Variants in ANK3 observed in about 807,000 individuals in gnomAD.
ANK3 encodes the protein ankyrin-3.
Under a neutral mutation model 370.9 loss-of-function variants are expected in ANK3, and 57 were observed. The observed-to-expected ratio is 0.15, with a 90% CI of 0.12 to 0.19. The LOEUF (loss-of-function observed/expected upper bound fraction) is 0.19. ANK3 is among the 10% of genes least tolerant of loss of function. The pLI, the probability that ANK3 is intolerant of heterozygous loss-of-function variation, is 1.00. For synonymous variants in ANK3, 1,929 were observed against 1,946.3 expected (o/e 0.99, Z 0.23); for missense variants, 4,439 against 5,302.1 (o/e 0.84, Z 5.06).
intron 2 of ANK3, among the ~76,000 whole-genome samples, chr10:60,434,291 T>C (rs2064103069): frequency 6.6e-6 from 1 of 152,200 alleles, no homozygotes; most frequent in African/African-American, 2.4e-5. Flanking sequence ...TTCATATTAA[T>C]GGCCCTATAG....
At position 60,674,846 on chromosome 10, in the gene ANK3, C is replaced by T. The variant is rs113828424; in HGVS notation, c.57+58417G>A. On this transcript the variant is annotated intron_variant, in intron 1 of 43. Coordinates refer to the ANK3 transcript ENST00000373827. Reference sequence around the variant, plus strand: ...TCTGGATGACCGTCTCATAACTGATCATTGTGCCTATTTTATCTTTACAGT... The same window carrying T: ...TCTGGATGACCGTCTCATAACTGATTATTGTGCCTATTTTATCTTTACAGT... 9.5e-4 allele frequency among the ~76,000 whole-genome samples: 145 copies of T among 152,182 alleles called. 1 individual carries two copies. The highest frequency in any genetic ancestry group is 6.8e-3 in the Middle Eastern group (2 of 294).
At chr10:60,364,277 G>A (rs1348062512) in intron 1 of ANK3, among the ~76,000 whole-genome samples, 1 of 140,068 alleles carries the variant, frequency 7.1e-6, no homozygotes, top group Non-Finnish European at 1.5e-5. Context: ...CTGGGTGACA[G>A]AGCAAGACTC....
chr10:60,281,714 G>GTATTCC (rs2098166284), intron 1 of ANK3, among the ~76,000 whole-genome samples: 1 of 152,058 alleles, frequency 6.6e-6, no homozygotes, highest in Non-Finnish European at 1.5e-5. Context: ...AATAATATAG[G>GTATTCC]AGGCTTTATT....
At chr10:60,389,359 G>T in intron 1 of ANK3, 66 bp downstream of exon 1, 4 of 1,459,044 alleles carry the variant, frequency 2.7e-6, no homozygotes, top group Non-Finnish European at 3.8e-6. Context: ...GCTTCTAACA[G>T]ATGCCAGAGG....
chr10:60,520,825 A>G (rs1257541434), intron 2 of ANK3, among the ~76,000 whole-genome samples: 1 of 152,136 alleles, frequency 6.6e-6, no homozygotes, highest in Admixed American at 6.6e-5. Context: ...AAAATCAAAA[A>G]CAATTTTTAC....
At chr10:60,542,867 T>C (rs1167716885) in intron 2 of ANK3, among the ~76,000 whole-genome samples, 5 of 151,990 alleles carry the variant, frequency 3.3e-5, no homozygotes, top group African/African-American at 9.7e-5. Context: ...ATTTTAATGA[T>C]GTTTAAAGCT....
chr10:60,723,840 G>A (rs1027906303), intron 1 of ANK3, among the ~76,000 whole-genome samples: 4 of 152,030 alleles, frequency 2.6e-5, no homozygotes, highest in Non-Finnish European at 4.4e-5. Flanking sequence ...CTGATGATGT[G>A]ATGACTAAAG....
intron 2 of ANK3, among the ~76,000 whole-genome samples, chr10:60,584,035 T>G (rs906335380): frequency 2.0e-5 from 3 of 152,174 alleles, no homozygotes; most frequent in Non-Finnish European, 2.9e-5. Context: ...TGTCAGTCAT[T>G]TTTAAAAAGA....
chr10:60,386,284 A>G (rs1174551428), intron 1 of ANK3, among the ~76,000 whole-genome samples: 1 of 152,074 alleles, frequency 6.6e-6, no homozygotes, highest in African/African-American at 2.4e-5. Context: ...AGGGAAGGGC[A>G]GTGGGAAAGT....
intron 16 of ANK3, among the ~76,000 whole-genome samples, chr10:60,193,502 A>C (rs955391986): frequency 1.3e-4 from 11 of 87,398 alleles, no homozygotes; most frequent in African/African-American, 6.2e-4. Context: ...CTAAAAATAC[A>C]AAAATTAGCT....
At chr10:60,293,898 T>C (rs920305091) in intron 1 of ANK3, among the ~76,000 whole-genome samples, 1 of 152,246 alleles carries the variant, frequency 6.6e-6, no homozygotes, top group Non-Finnish European at 1.5e-5. Flanking sequence ...TCTGGCATTA[T>C]ACGTGGTAGA....
At chr10:60,161,982 T>G (rs2095511990) in intron 23 of ANK3, among the ~76,000 whole-genome samples, 1 of 152,194 alleles carries the variant, frequency 6.6e-6, no homozygotes, top group Middle Eastern at 3.2e-3. Context: ...ATTTGATCAT[T>G]ACACATTGTA....
At position 60,196,552 on chromosome 10, in the gene ANK3, C is replaced by A. The variant is rs1429870148; in HGVS notation, c.1763G>T (p.Ser588Ile). The A allele has an allele frequency of 3.1e-6, 5 of 1,612,854 alleles. No homozygotes were observed. Among genetic ancestry groups the A allele is most frequent in the Non-Finnish European group, 3.4e-6 (4 of 1,179,736 alleles). ...CTTCCCAGCAGCATCTGGAGATGCA[C>A]TTTTCTGTAGCAGGAGATTGGCGAC... The part of the protein sequence containing the change: ...LEVANLLLQK[S>I]ASPDAAGKSG... The change falls in exon 15 of 44, where the codon AGT becomes ATT. Residue 588 changes from serine to isoleucine, a missense_variant. This residue lies in a region of ANK3 where 192 missense variants were observed against 192.1 expected (regional missense o/e 1.00). Coordinates refer to ENST00000280772, the MANE Select transcript of ANK3 (RefSeq NM_020987.5).
intron 1 of ANK3, among the ~76,000 whole-genome samples, chr10:60,290,100 GCA>G (rs2040988694): frequency 6.6e-6 from 1 of 152,116 alleles, no homozygotes; most frequent in South Asian, 2.1e-4. Flanking sequence ...TAGATATCTT[GCA>G]CAGTGATCTA....
chr10:60,187,781 G>C (rs1416383913), intron 16 of ANK3, among the ~76,000 whole-genome samples: 3 of 151,976 alleles, frequency 2.0e-5, no homozygotes, highest in Non-Finnish European at 4.4e-5. Flanking sequence ...TCTTCATGCT[G>C]GTCTGTCATC....
intron 1 of ANK3, among the ~76,000 whole-genome samples, chr10:60,325,350 T>C (rs988929433): frequency 1.3e-5 from 2 of 152,208 alleles, no homozygotes; most frequent in Non-Finnish European, 2.9e-5. Flanking sequence ...AGGAGACAAA[T>C]GTCCACTTTT....
chr10:60,100,500 T>A (rs1180895336), intron 28 of ANK3, among the ~76,000 whole-genome samples: 1 of 152,196 alleles, frequency 6.6e-6, no homozygotes, highest in Non-Finnish European at 1.5e-5. Flanking sequence ...TCTAAGATAC[T>A]GTTTATGTAG....
At chr10:60,668,075 C>G (rs2079021054) in intron 1 of ANK3, among the ~76,000 whole-genome samples, 1 of 151,376 alleles carries the variant, frequency 6.6e-6, no homozygotes, top group African/African-American at 2.5e-5. Flanking sequence ...CTTTAAAGAC[C>G]ACTGCATTAA....
At chr10:60,371,879 A>G (rs1358100110) in intron 1 of ANK3, among the ~76,000 whole-genome samples, 1 of 152,222 alleles carries the variant, frequency 6.6e-6, no homozygotes, top group Admixed American at 6.5e-5. Flanking sequence ...AAGCAGAAAC[A>G]TAAATAGAAG....
Sources: gnomAD v4.1 joint callset for allele counts (sites outside exome capture counted in the v4.1 genomes callset) on GRCh38, gnomAD v4.1.1 for gene constraint, gnomAD v4.1.1 regional missense constraint, MANE v1.5 for transcripts, NCBI Gene and HGNC (gene_info 2026-07-23, HGNC 2026-07-21) for gene names.